The following TYW1B variants were observed in gnomAD, a reference collection of about 807,000 sequenced individuals.
TYW1B encodes the protein S-adenosyl-L-methionine-dependent tRNA 4-demethylwyosine synthase TYW1B.
Under a neutral mutation model 86.9 loss-of-function variants are expected in TYW1B, and 73 were observed. The observed-to-expected ratio is 0.84, with a 90% CI of 0.70 to 1.02. The LOEUF (loss-of-function observed/expected upper bound fraction) is 1.02, where lower values mean the gene tolerates loss of function less well. TYW1B is among the 50% of genes least tolerant of loss of function. The pLI, the probability that TYW1B is intolerant of heterozygous loss-of-function variation, is 0.00. For missense variants in TYW1B, 637 were observed against 827.4 expected, an observed-to-expected ratio of 0.77 and a Z score of 2.82; for synonymous variants, 248 against 292.8, an observed-to-expected ratio of 0.85 and a Z score of 1.56.
intron 11 of TYW1B, among the ~76,000 whole-genome samples, chr7:72,665,481 T>A (rs534931801): frequency 6.6e-6 from 1 of 152,336 alleles, no homozygotes; most frequent in African/African-American, 2.4e-5. Context: ...GGATGTTATA[T>A]GCAGCTGATC....
intron 11 of TYW1B, among the ~76,000 whole-genome samples, chr7:72,646,537 A>C (rs1372079836): frequency 3.3e-5 from 5 of 150,942 alleles, no homozygotes; most frequent in African/African-American, 1.2e-4. Flanking sequence ...GCACCTGGCT[A>C]ATTTTTGTAA....
intron 12 of TYW1B, among the ~76,000 whole-genome samples, chr7:72,617,777 A>G (rs1219378479): frequency 1.5e-4 from 23 of 152,174 alleles, no homozygotes; most frequent in Non-Finnish European, 3.1e-4. Flanking sequence ...ACCTTTACAC[A>G]CAACTACATA....
intron 13 of TYW1B, among the ~76,000 whole-genome samples, chr7:72,579,851 A>G (rs1472737556): frequency 1.1e-4 from 17 of 152,018 alleles, no homozygotes; most frequent in Admixed American, 2.0e-4. Context: ...GGGTCTAGCT[A>G]TTTTGCCCAG....
chr7:72,625,045 TAAG>T (rs1370008998), intron 12 of TYW1B, among the ~76,000 whole-genome samples: 2 of 141,812 alleles, frequency 1.4e-5, no homozygotes, highest in Non-Finnish European at 3.0e-5. Flanking sequence ...GGAGACAGAG[TAAG>T]AACCTGTCTC....
chr7:72,816,236 C>T (rs1276552854), intron 2 of TYW1B, among the ~76,000 whole-genome samples: 1 of 151,800 alleles, frequency 6.6e-6, no homozygotes, highest in African/African-American at 2.4e-5. Context: ...ATTAGCCAAG[C>T]GTGGTGGCAC....
intron 11 of TYW1B, among the ~76,000 whole-genome samples, chr7:72,680,310 T>C (rs1351202275): frequency 3.9e-5 from 6 of 152,188 alleles, no homozygotes; most frequent in Middle Eastern, 3.4e-3. Flanking sequence ...GTGGGCACCA[T>C]CTAATCAGCT....
chr7:72,613,704 G>A (rs1477041103), intron 13 of TYW1B, among the ~76,000 whole-genome samples: 10 of 151,966 alleles, frequency 6.6e-5, no homozygotes, highest in African/African-American at 1.9e-4. Flanking sequence ...GAGCCACTGC[G>A]CCGGGCCCAT....
At chr7:72,718,150 C>T (rs1554456590) in intron 9 of TYW1B, among the ~76,000 whole-genome samples, 1 of 152,024 alleles carries the variant, frequency 6.6e-6, no homozygotes, top group East Asian at 1.9e-4. Flanking sequence ...GCCATAAAAA[C>T]GAACAAAATC....
At chr7:72,763,282 C>CTTTTTTTTTT (rs1328471948) in intron 7 of TYW1B, among the ~76,000 whole-genome samples, 4 of 118,404 alleles carry the variant, frequency 3.4e-5, no homozygotes, top group Admixed American at 1.0e-4. Context: ...CTTTTCTTTT[C>CTTTTTTTTTT]TTTTTTTTTT....
At chr7:72,637,753 G>A (rs1585867219) in intron 11 of TYW1B, among the ~76,000 whole-genome samples, 1 of 146,138 alleles carries the variant, frequency 6.8e-6, no homozygotes, top group Non-Finnish European at 1.5e-5. Context: ...TTAGCTTATT[G>A]ATTTTTAACC....
intron 8 of TYW1B, among the ~76,000 whole-genome samples, chr7:72,737,907 T>C (rs1454054187): frequency 4.0e-5 from 6 of 150,598 alleles, no homozygotes; most frequent in Non-Finnish European, 7.4e-5. Context: ...CCTGAGTAGC[T>C]GGGACTACAG....
intron 6 of TYW1B, among the ~76,000 whole-genome samples, chr7:72,800,707 C>CA (rs60686482): frequency 0.093 from 11,832 of 127,612 alleles, 921 homozygotes; most frequent in East Asian, 0.31. Flanking sequence ...CTCGAAAAGT[C>CA]AAAAAAAAAA....
intron 11 of TYW1B, among the ~76,000 whole-genome samples, chr7:72,632,402 T>TATATATATACATATATATATATATA (rs1563038784): frequency 2.5e-5 from 2 of 79,706 alleles, no homozygotes; most frequent in South Asian, 2.7e-4. Context: ...ATATATATAA[T>TATATATATACATATATATATATATA]ATATATATAC....
At chr7:72,638,748 T>C (rs1812729653) in intron 11 of TYW1B, among the ~76,000 whole-genome samples, 1 of 152,234 alleles carries the variant, frequency 6.6e-6, no homozygotes, top group Non-Finnish European at 1.5e-5. Context: ...CATGATTATC[T>C]ATGTAGAAAA....
intron 8 of TYW1B, among the ~76,000 whole-genome samples, chr7:72,729,506 C>T (rs564761256): frequency 3.9e-5 from 6 of 152,196 alleles, no homozygotes; most frequent in African/African-American, 1.4e-4. Context: ...GTTCCACTGC[C>T]ATCACTCCAT....
At chr7:72,654,347 A>G (rs1813148058) in intron 11 of TYW1B, among the ~76,000 whole-genome samples, 1 of 152,194 alleles carries the variant, frequency 6.6e-6, no homozygotes. Flanking sequence ...AATCATAAGA[A>G]AAGTATCAGA....
rs572614520 is a variant in TYW1B, at chr7:72,805,537, G to T, written c.723+1529C>A. Among the ~76,000 whole-genome samples the T allele has an allele frequency of 2.0e-5, 3 of 151,876 alleles. No individual in the cohort carries two copies. The East Asian group carries it at 5.8e-4, about 30-fold the overall frequency. ...TGAAGTGGGAGGATCACCACTGCCT[G>T]GGGAGGTTGAGGCTGCAGTGAGCCA... On this transcript the variant is annotated intron_variant, in intron 5 of 13. Transcript: ENST00000620995.
chr7:72,666,548 T>C (rs1474703136), intron 11 of TYW1B, among the ~76,000 whole-genome samples: 1 of 152,124 alleles, frequency 6.6e-6, no homozygotes, highest in African/African-American at 2.4e-5. Flanking sequence ...ATAGGAAATA[T>C]ATACCCAATA....
intron 9 of TYW1B, among the ~76,000 whole-genome samples, chr7:72,722,198 T>C (rs1786916993): frequency 6.6e-6 from 1 of 152,204 alleles, no homozygotes; most frequent in South Asian, 2.1e-4. Context: ...CTTTATGATG[T>C]GTATGTTAGC....
Sources: allele counts gnomAD v4.1 joint callset (sites outside exome capture counted in the v4.1 genomes callset), GRCh38; gene constraint gnomAD v4.1.1; transcripts MANE v1.5; gene names NCBI Gene and HGNC (gene_info 2026-07-23, HGNC 2026-07-21).